TNRC6A: variants seen among roughly 807,000 people sequenced by gnomAD.
TNRC6A encodes trinucleotide repeat-containing gene 6A protein.
In TNRC6A, 44 loss-of-function variants were observed where a neutral mutation model predicts 221.2. That is an observed-to-expected ratio of 0.20 (90% CI 0.16 to 0.26). The LOEUF is 0.26. Among genes scored for constraint, TNRC6A ranks in the 10% least tolerant of loss-of-function variants. TNRC6A has a pLI of 1.00. For synonymous variants in TNRC6A, 847 were observed against 838.5 expected, an observed-to-expected ratio of 1.01 and a Z score of -0.18; for missense variants, 2,199 against 2,404.4, an observed-to-expected ratio of 0.91 and a Z score of 1.79.
chr16:24,806,886 A>G (rs1216297873), intron 17 of TNRC6A, 102 bp downstream of exon 17: 11 of 1,125,396 alleles, frequency 9.8e-6, no homozygotes, highest in African/African-American at 1.5e-5. Context: ...TGAAAGCTAC[A>G]TTGATCTCTT....
At chr16:24,793,414 ATTCCACTGCACCT>A in intron 6 of TNRC6A, 46 bp from the exon 7 acceptor site, 1 of 1,290,278 alleles carries the variant, frequency 7.8e-7, no homozygotes, top group Non-Finnish European at 1.0e-6. Context: ...ATTGTCCCTT[ATTCCACTGCACCT>A]CCTTACCTTC....
intron 4 of TNRC6A, among the ~76,000 whole-genome samples, chr16:24,769,871 T>C (rs1307070284): frequency 6.6e-6 from 1 of 152,218 alleles, no homozygotes; most frequent in African/African-American, 2.4e-5. Context: ...TCCAGTCACT[T>C]TGTGTATGCT....
rs117261791 is a variant in TNRC6A at position 24,800,121 on chromosome 16, G to A, written c.3694+2155G>A. Among the ~76,000 whole-genome samples the A allele has an allele frequency of 4.7e-3, 711 of 152,262 alleles. 1 individual carries two copies. Among genetic ancestry groups the A allele is most frequent in the Non-Finnish European group, 7.8e-3 (530 of 68,014 alleles). The stretch of plus-strand genomic sequence containing the variant: ...GGAGCCATTGTTGCGGTTTTTGTTG[G>A]AAGCGTTTTCTCTCTCAAGGACTAA... On this transcript the variant is annotated intron_variant, in intron 11 of 24. Coordinates refer to ENST00000395799, the MANE Select transcript of TNRC6A (RefSeq NM_014494.4).
rs1411500391 is a variant in TNRC6A at position 24,729,718 on chromosome 16, C to T, written c.-124C>T. The stretch of plus-strand genomic sequence containing the variant: ...GCGGCGGCGGCGGCGGCGGCGGCGG[C>T]AGCGGGTCGGTGTAGAAAATGGCGC... On this transcript the variant is annotated 5_prime_UTR_variant, in exon 1 of 25. Transcript: ENST00000395799. The T allele has an allele frequency of 2.6e-6, 3 of 1,136,770 alleles. No homozygotes were observed. The highest frequency in any genetic ancestry group is 3.4e-6 in the Non-Finnish European group (3 of 886,480). The allele number at this position is 1,136,770 out of a possible 1,614,324, so 70.4% of individuals were successfully genotyped here.
rs147613261 is a variant in TNRC6A at position 24,688,975 on chromosome 16, A to G, written n.402+47966A>G. On this transcript the variant is annotated intron_variant and non_coding_transcript_variant, in intron 2 of 2. Coordinates refer to the TNRC6A transcript ENST00000566108. ...CAGCATTTTGGGAGGCCGACGCGGG[A>G]GGATCTCTTGAGCCCAGGAGTTCGG... Among the ~76,000 whole-genome samples the G allele has an allele frequency of 3.4e-3, 521 of 152,256 alleles. 1 individual carries two copies. The highest frequency in any genetic ancestry group is 6.0e-3 in the Non-Finnish European group (407 of 68,022).
chr16:24,754,229 A>T (rs2057198730), intron 3 of TNRC6A, among the ~76,000 whole-genome samples: 1 of 152,120 alleles, frequency 6.6e-6, no homozygotes, highest in Admixed American at 6.6e-5. Flanking sequence ...CTTCCTATAA[A>T]AACAATTAGA....
At chr16:24,762,003 A>G (rs2057374334) in intron 4 of TNRC6A, among the ~76,000 whole-genome samples, 5 of 151,850 alleles carry the variant, frequency 3.3e-5, no homozygotes, top group Admixed American at 3.3e-4. Flanking sequence ...TTTTTGAGTG[A>G]TTTCATGAGC....
intron 4 of TNRC6A, among the ~76,000 whole-genome samples, chr16:24,763,986 C>T (rs1244636250): frequency 2.6e-5 from 4 of 152,124 alleles, no homozygotes; most frequent in Admixed American, 2.6e-4. Context: ...TTGGTAGAAG[C>T]ACCTAAAACC....
intron 2 of TNRC6A, among the ~76,000 whole-genome samples, chr16:24,674,401 T>C (rs1456914927): frequency 6.6e-6 from 1 of 152,084 alleles, no homozygotes; most frequent in African/African-American, 2.4e-5. Context: ...CGAGATTCTG[T>C]CTCAAACTAT....
At position 24,821,778 on chromosome 16, in the gene TNRC6A, T is replaced by C. The variant is rs2058770520; in HGVS notation, c.5303-299T>C. ...CAGATGGTACCGTTTGAGATTATTTTAGCTCCTATCAATGAGAAGATCTCA... is the reference window on the plus strand; with the variant it reads ...CAGATGGTACCGTTTGAGATTATTTCAGCTCCTATCAATGAGAAGATCTCA... On this transcript the variant is annotated intron_variant, in intron 22 of 24. Coordinates refer to ENST00000395799, the MANE Select transcript of TNRC6A (RefSeq NM_014494.4). The C allele has an allele frequency of 1.9e-5, 8 of 427,694 alleles. No individual in the cohort carries two copies. In the South Asian group the frequency reaches 2.7e-4, roughly 14 times the overall value. The allele number at this position is 427,694 out of a possible 1,614,324, so 26.5% of individuals were successfully genotyped here.
intron 5 of TNRC6A, among the ~76,000 whole-genome samples, chr16:24,779,720 G>A (rs1374888909): frequency 6.6e-6 from 1 of 152,154 alleles, no homozygotes; most frequent in Admixed American, 6.5e-5. Flanking sequence ...AGTATAAACA[G>A]CGTGCACAGT....
chr16:24,713,469 T>G (rs2056251010), intron 2 of TNRC6A, among the ~76,000 whole-genome samples: 1 of 152,030 alleles, frequency 6.6e-6, no homozygotes, highest in Admixed American at 6.6e-5. Context: ...TATATATATA[T>G]ATGTTACCTT....
chr16:24,693,226 G>A (rs1283099860), intron 2 of TNRC6A, among the ~76,000 whole-genome samples: 1 of 151,776 alleles, frequency 6.6e-6, no homozygotes, highest in Non-Finnish European at 1.5e-5. Flanking sequence ...AGGCCGAGGT[G>A]GGAGGATCAC....
At position 24,797,471 on chromosome 16, in the gene TNRC6A, A is replaced by C. The variant is rs372909048; in HGVS notation, c.3562-19A>C. Reference sequence around the variant, plus strand: ...CAGAGATGGCCATGGCATCTTTTCTACTCTTTTATTTTACAAAGGGAATGA... The same window carrying C: ...CAGAGATGGCCATGGCATCTTTTCTCCTCTTTTATTTTACAAAGGGAATGA... On this transcript the variant is annotated intron_variant, in intron 9 of 24. Coordinates refer to ENST00000395799, the MANE Select transcript of TNRC6A (RefSeq NM_014494.4). 1.1e-5 allele frequency: 17 copies of C among 1,593,960 alleles called. No homozygotes were observed. The highest frequency in any genetic ancestry group is 1.7e-5 in the Admixed American group (1 of 57,462).
chr16:24,788,955 C>A (rs1354807387), intron 5 of TNRC6A, among the ~76,000 whole-genome samples: 3 of 152,098 alleles, frequency 2.0e-5, no homozygotes, highest in Admixed American at 2.0e-4. Context: ...GCCCAAAATT[C>A]TTTTATTTAC....
chr16:24,790,891 C>T lies in TNRC6A; in HGVS notation c.2249C>T (p.Thr750Ile). ...GGGGAACGAAAGACTGACAATGGGA[C>T]AGAGGCCTGGGGAAGCTCTGCAACA... ...PRGERKTDNG[T>I]EAWGSSATQT... The change falls in exon 6 of 25, where the codon ACA (threonine) becomes ATA (isoleucine). Residue 750 changes from threonine to isoleucine, a missense_variant. Thr to Ile is a moderately conservative substitution (Grantham distance 89). Coordinates refer to ENST00000395799, the MANE Select transcript of TNRC6A (RefSeq NM_014494.4). 1 of 1,614,128 alleles carries T rather than the reference C, an allele frequency of 6.2e-7. No individual in the cohort carries two copies. The highest frequency in any genetic ancestry group is 1.6e-4 in the Middle Eastern group (1 of 6,062).
At chr16:24,725,745 T>C (rs1372938675), upstream of TNRC6A, among the ~76,000 whole-genome samples, 1 of 151,776 alleles carries the variant, frequency 6.6e-6, no homozygotes, top group African/African-American at 2.4e-5. Context: ...GGCTCATGCC[T>C]AACCCCAGCA....
chr16:24,658,695 C>A (rs1448127866), intron 2 of TNRC6A, among the ~76,000 whole-genome samples: 1 of 151,968 alleles, frequency 6.6e-6, no homozygotes, highest in Non-Finnish European at 1.5e-5. Flanking sequence ...AGCTTTCTTC[C>A]TCTTTTTTTC....
Position 24,791,590 on chromosome 16 carries a change from A to C in TNRC6A, c.2948A>C (p.Glu983Ala). 6.3e-7 allele frequency: 1 copy of C among 1,584,944 alleles called. No homozygotes were observed. The highest frequency in any genetic ancestry group is 8.6e-7 in the Non-Finnish European group (1 of 1,168,386). ...ATACCAGCCCCAGCAAAAGAAGAAG[A>C]ACCCACAGGCTGGGAGGAACCATCC... ...GPIPAPAKEEEPTGWEEPSPE... is the reference protein window; with the variant it reads ...GPIPAPAKEEAPTGWEEPSPE... Residue 983 changes from glutamate (E) to alanine (A), a missense_variant, in exon 6 of 25, where the codon GAA becomes GCA. Around this residue, in one of 8 missense-constraint regions of TNRC6A, gnomAD observed 1,405 missense variants for 1,400.2 expected, o/e 1.00. Transcript: ENST00000395799.
Sources: gnomAD v4.1 joint callset for allele counts (sites outside exome capture counted in the v4.1 genomes callset) on GRCh38, gnomAD v4.1.1 for gene constraint, gnomAD v4.1.1 regional missense constraint, MANE v1.5 for transcripts, NCBI Gene and HGNC (gene_info 2026-07-23, HGNC 2026-07-21) for gene names.